The following TENM1 variants were observed in gnomAD, a reference collection of about 807,000 sequenced individuals.
The protein encoded by TENM1 is teneurin transmembrane protein 1, also known as teneurin-1.
A neutral mutation model predicts 174.8 loss-of-function variants in TENM1; 35 were observed. That is an observed-to-expected ratio of 0.20 (90% confidence interval 0.15 to 0.27). The LOEUF (loss-of-function observed/expected upper bound fraction) is 0.27, where lower values mean the gene tolerates loss of function less well. Ranked by LOEUF, TENM1 falls within the 10% of genes least tolerant of loss-of-function variation. The pLI is 1.00. For missense variants in TENM1, 1,633 were observed against 2,130.1 expected (o/e 0.77, Z 4.59); for synonymous variants, 781 against 798.7 (o/e 0.98, Z 0.37).
intron 3 of TENM1, among the ~76,000 whole-genome samples, chrX:124,831,345 T>C (rs1443982864): frequency 1.8e-5 from 2 of 111,822 alleles, no homozygotes; most frequent in Non-Finnish European, 3.8e-5. Flanking sequence ...GCACTAAATA[T>C]TGAAGCATGT....
chrX:125,128,684 G>A, the TENM1 span, among the ~76,000 whole-genome samples: 1 of 111,425 alleles, frequency 9.0e-6, no homozygotes, highest in Non-Finnish European at 1.9e-5. Flanking sequence ...AAAGAGCCTA[G>A]GTTTTAAATA....
At chrX:124,546,850 G>C in intron 15 of TENM1, 24 bp downstream of exon 18, 1 of 1,117,242 alleles carries the variant, frequency 9.0e-7, no homozygotes, top group Non-Finnish European at 1.2e-6. Flanking sequence ...TGTTCACTAA[G>C]GAATAAAATA....
chrX:124,547,688 C>T (rs1251919384), intron 14 of TENM1, among the ~76,000 whole-genome samples: 1 of 112,072 alleles, frequency 8.9e-6, no homozygotes, highest in Non-Finnish European at 1.9e-5. Flanking sequence ...CACCTACTGA[C>T]TCAGAATTTT....
At position 124,540,607 on chromosome X, in the gene TENM1, C is replaced by A. The variant is rs12390319; in HGVS notation, c.2651+6267G>T. 7.5e-3 allele frequency among the ~76,000 whole-genome samples: 835 copies of A among 111,387 alleles called. 8 individuals are homozygous for A. The highest frequency in any genetic ancestry group is 0.025 in the African/African-American group (758 of 30,630). Reference sequence around the variant, plus strand: ...ATTCCCAGCTCAACTGAGGGCAGAACGCATGTTACATTAAACAAGTTATGA... The same window carrying A: ...ATTCCCAGCTCAACTGAGGGCAGAAAGCATGTTACATTAAACAAGTTATGA... On this transcript the variant is annotated intron_variant, in intron 15 of 31. Coordinates refer to ENST00000422452, the Ensembl canonical transcript of TENM1.
the TENM1 span, among the ~76,000 whole-genome samples, chrX:125,199,701 A>G: frequency 8.9e-6 from 1 of 111,819 alleles, no homozygotes; most frequent in Non-Finnish European, 1.9e-5. Context: ...ATAAAAATCT[A>G]ATAGACTTCA....
At chrX:124,402,633 T>C (rs2060412661) in intron 27 of TENM1, among the ~76,000 whole-genome samples, 1 of 111,738 alleles carries the variant, frequency 8.9e-6, no homozygotes, top group Non-Finnish European at 1.9e-5. Context: ...TTCTAGAAAA[T>C]GGAAACTTCC....
intron 19 of TENM1, among the ~76,000 whole-genome samples, chrX:124,502,038 G>C (rs780024413): frequency 8.9e-6 from 1 of 111,876 alleles, no homozygotes; most frequent in Admixed American, 9.5e-5. Flanking sequence ...AGCAGATTTA[G>C]TGGGGCTGTG....
Position 124,447,770 on chromosome X carries a change from G to A in TENM1, c.4104+5567C>T, listed in dbSNP as rs749713429. Among the ~76,000 whole-genome samples, 34 of 110,824 alleles carry A rather than the reference G, an allele frequency of 3.1e-4. 1 individual carries two copies. Among genetic ancestry groups the A allele is most frequent in the South Asian group, 1.2e-3 (3 of 2,565 alleles). Reference sequence around the variant, plus strand: ...CTCCTTTGTGGGTTCTCATTCCTCCGTTTTTTCTTGAATACTGGTGTTCCA... The same window carrying A: ...CTCCTTTGTGGGTTCTCATTCCTCCATTTTTTCTTGAATACTGGTGTTCCA... On this transcript the variant is annotated intron_variant, in intron 23 of 31. Coordinates refer to ENST00000422452, the Ensembl canonical transcript of TENM1.
At chrX:124,763,430 T>C (rs1388978779) in intron 3 of TENM1, among the ~76,000 whole-genome samples, 1 of 111,485 alleles carries the variant, frequency 9.0e-6, no homozygotes, top group African/African-American at 3.3e-5. Context: ...AAGTGTTAGG[T>C]ATGCTATGTG....
intron 11 of TENM1, among the ~76,000 whole-genome samples, chrX:124,630,461 C>A (rs2050731702): frequency 8.9e-6 from 1 of 112,310 alleles, no homozygotes; most frequent in Non-Finnish European, 1.9e-5. Flanking sequence ...TAGTAGACTA[C>A]ATTCTTAATT....
At chrX:124,985,098 C>T in the TENM1 span, among the ~76,000 whole-genome samples, 1 of 112,236 alleles carries the variant, frequency 8.9e-6, no homozygotes, top group Non-Finnish European at 1.9e-5. Context: ...CCTCAGTGTT[C>T]TGGCATTCTG....
chrX:124,712,389 T>G (rs1332061562), intron 4 of TENM1, among the ~76,000 whole-genome samples: 12 of 112,035 alleles, frequency 1.1e-4, no homozygotes, highest in African/African-American at 3.9e-4. Flanking sequence ...ATAGTAATGA[T>G]TCTCATGGGT....
intron 3 of TENM1, among the ~76,000 whole-genome samples, chrX:124,737,973 TC>T (rs1406383663): frequency 8.9e-6 from 1 of 111,949 alleles, no homozygotes; most frequent in African/African-American, 3.2e-5. Context: ...GGGACAGCGG[TC>T]CTCAGGCTTC....
chrX:125,204,099 G>A, the TENM1 span: 2 of 113,328 alleles, frequency 1.8e-5, no homozygotes, highest in East Asian at 5.6e-4. Context: ...TTGCGCCCAG[G>A]GTCCTATGTG....
the TENM1 span, among the ~76,000 whole-genome samples, chrX:125,111,153 T>C: frequency 8.9e-6 from 1 of 112,416 alleles, no homozygotes; most frequent in East Asian, 2.8e-4. Context: ...TGGACTGGCC[T>C]GTTAATTTAA....
intron 1 of TENM1, among the ~76,000 whole-genome samples, chrX:124,961,791 T>C (rs1424520509): frequency 1.8e-5 from 2 of 111,604 alleles, no homozygotes; most frequent in Non-Finnish European, 3.8e-5. Flanking sequence ...GATGGTTGAA[T>C]ATGCATAAAG....
chrX:124,972,881 T>G, the TENM1 span, among the ~76,000 whole-genome samples: 1 of 112,089 alleles, frequency 8.9e-6, no homozygotes. Flanking sequence ...GTTTGTTTTG[T>G]GCCATCTTAG....
At chrX:125,189,683 T>C in the TENM1 span, among the ~76,000 whole-genome samples, 1 of 111,778 alleles carries the variant, frequency 8.9e-6, no homozygotes, top group African/African-American at 3.3e-5. Context: ...AGAGATTGGC[T>C]ATGGAGGTAA....
intron 23 of TENM1, among the ~76,000 whole-genome samples, chrX:124,446,366 G>A (rs1395931638): frequency 8.9e-6 from 1 of 112,651 alleles, no homozygotes; most frequent in Non-Finnish European, 1.9e-5. Flanking sequence ...AAGGGTGGTT[G>A]CATTGTGTAG....
Sources: allele counts gnomAD v4.1 joint callset (sites outside exome capture counted in the v4.1 genomes callset), GRCh38; gene constraint gnomAD v4.1.1; transcripts MANE v1.5; gene names NCBI Gene and HGNC (gene_info 2026-07-23, HGNC 2026-07-21).